The following MGMT variants were observed in gnomAD, a reference collection of about 807,000 sequenced individuals.
MGMT encodes methylated-DNA--protein-cysteine methyltransferase.
MGMT carries 14 observed loss-of-function variants against 15.9 expected under a neutral mutation model. The ratio of observed to expected loss-of-function variants is 0.88; its 90% CI spans 0.58 to 1.37. The LOEUF (loss-of-function observed/expected upper bound fraction) is 1.37. Among genes scored for constraint, MGMT ranks in the 40% most tolerant of loss-of-function variants. The pLI is 0.00. For synonymous variants in MGMT, 130 were observed against 118.2 expected, an observed-to-expected ratio of 1.10 and a Z score of -0.65; for missense variants, 282 against 268.1, an observed-to-expected ratio of 1.05 and a Z score of -0.36.
chr10:129,690,388 C>A (rs1847955854), intron 2 of MGMT, among the ~76,000 whole-genome samples: 1 of 152,216 alleles, frequency 6.6e-6, no homozygotes, highest in African/African-American at 2.4e-5. Context: ...CACTTATTCA[C>A]TCATTAATAA....
Position 129,560,062 on chromosome 10 carries a change from A to G in MGMT, c.125+23685A>G, listed in dbSNP as rs375027041. Among the ~76,000 whole-genome samples, 11 of 152,220 alleles carry G rather than the reference A, an allele frequency of 7.2e-5. No homozygotes were observed. In the East Asian group the frequency reaches 9.6e-4, roughly 13 times the overall value. Reference sequence around the variant, plus strand: ...GGAATTATGAGTTCAGTAGTATTCTATGAAAGGTCAGTTGTTAAAAAGGCA... The same window carrying G: ...GGAATTATGAGTTCAGTAGTATTCTGTGAAAGGTCAGTTGTTAAAAAGGCA... On this transcript the variant is annotated intron_variant, in intron 2 of 4. Transcript: ENST00000651593.
chr10:129,543,581 G>A (rs1846068000), intron 2 of MGMT, among the ~76,000 whole-genome samples: 1 of 152,182 alleles, frequency 6.6e-6, no homozygotes, highest in Admixed American at 6.5e-5. Flanking sequence ...CCCTGCAGCT[G>A]GTTCTTTGCT....
At chr10:129,741,799 G>A (rs11596935) in intron 3 of MGMT, among the ~76,000 whole-genome samples, 18,066 of 152,222 alleles carry the variant, frequency 0.12, 1,153 homozygotes, top group Middle Eastern at 0.17. Context: ...CAGAGCTGCA[G>A]AAGCTGGGCT....
intron 3 of MGMT, among the ~76,000 whole-genome samples, chr10:129,722,308 A>G (rs1449128448): frequency 2.0e-5 from 3 of 152,214 alleles, no homozygotes; most frequent in Non-Finnish European, 4.4e-5. Flanking sequence ...TAGCATTATT[A>G]AAGATTATTA....
At chr10:129,619,864 A>C (rs1373661313) in intron 2 of MGMT, among the ~76,000 whole-genome samples, 2 of 151,874 alleles carry the variant, frequency 1.3e-5, no homozygotes, top group African/African-American at 4.8e-5. Flanking sequence ...CACCTTCTAA[A>C]TCAGTCTTGT....
intron 4 of MGMT, among the ~76,000 whole-genome samples, chr10:129,760,615 G>A (rs974796087): frequency 4.6e-5 from 7 of 152,224 alleles, no homozygotes; most frequent in African/African-American, 1.7e-4. Context: ...GCAGCCTGGG[G>A]GCAGAGCCTC....
At position 129,766,863 on chromosome 10, in the gene MGMT, G is replaced by T. The variant is rs373120552; in HGVS notation, c.490G>T (p.Val164Leu). 11 of 1,613,808 alleles carry T rather than the reference G, an allele frequency of 6.8e-6. No individual in the cohort carries two copies. The South Asian group carries it at 1.1e-4, about 16-fold the overall frequency. The change falls in exon 5 of 5, where the codon GTG (valine) becomes TTG (leucine). Residue 164 changes from valine to leucine, a missense_variant. Coordinates refer to ENST00000651593, the MANE Select transcript of MGMT (RefSeq NM_002412.5). ...AVGNYSGGLA[V>L]KEWLLAHEGH... is the part of the protein sequence containing the mutation. ...GGGCAACTACTCCGGAGGACTGGCC[G>T]TGAAGGAATGGCTTCTGGCCCATGA...
intron 2 of MGMT, among the ~76,000 whole-genome samples, chr10:129,538,558 C>T (rs1846010204): frequency 6.6e-6 from 1 of 152,132 alleles, no homozygotes; most frequent in Admixed American, 6.5e-5. Context: ...TTGCACTTTG[C>T]TGATGACTTA....
chr10:129,519,126 C>G (rs7070347), intron 1 of MGMT, among the ~76,000 whole-genome samples: 2 of 151,994 alleles, frequency 1.3e-5, no homozygotes, highest in South Asian at 2.1e-4. Context: ...AATTAAGACT[C>G]GGAGACTACC....
intron 2 of MGMT, among the ~76,000 whole-genome samples, chr10:129,703,953 T>TGG (rs1203794973): frequency 6.6e-6 from 1 of 152,030 alleles, no homozygotes; most frequent in Non-Finnish European, 1.5e-5. Flanking sequence ...TGGGCAGTGG[T>TGG]GGTTGACAGC....
At chr10:129,757,427 A>G (rs1297723639) in intron 3 of MGMT, among the ~76,000 whole-genome samples, 1 of 152,184 alleles carries the variant, frequency 6.6e-6, no homozygotes, top group South Asian at 2.1e-4. Context: ...CTACAAGTTT[A>G]GTAAAGTTCC....
At chr10:129,638,007 C>T (rs915882127) in intron 2 of MGMT, among the ~76,000 whole-genome samples, 1 of 152,296 alleles carries the variant, frequency 6.6e-6, no homozygotes, top group South Asian at 2.1e-4. Flanking sequence ...GTGAGTGCCT[C>T]CTGCAGTGCT....
At chr10:129,598,798 C>T (rs745979250) in intron 2 of MGMT, among the ~76,000 whole-genome samples, 1 of 152,178 alleles carries the variant, frequency 6.6e-6, no homozygotes, top group African/African-American at 2.4e-5. Context: ...CCCACACCCC[C>T]TCCTGGGCTC....
intron 2 of MGMT, among the ~76,000 whole-genome samples, chr10:129,598,175 G>T (rs2133059093): frequency 6.6e-6 from 1 of 152,318 alleles, no homozygotes; most frequent in Non-Finnish European, 1.5e-5. Flanking sequence ...CAGGGTGGGT[G>T]CATGGAGCAT....
chr10:129,563,584 G>A (rs539854676), intron 2 of MGMT, among the ~76,000 whole-genome samples: 68 of 152,324 alleles, frequency 4.5e-4, no homozygotes, highest in African/African-American at 1.6e-3. Flanking sequence ...CCTGGATGTG[G>A]TGTGAGCATG....
In MGMT at chr10:129,673,121, G is replaced by C. The variant is rs184890835; in HGVS notation, c.126-34774G>C. Among the ~76,000 whole-genome samples the C allele has an allele frequency of 3.4e-4, 52 of 152,232 alleles. No homozygotes were observed. The East Asian group carries it at 8.3e-3, about 24-fold the overall frequency. ...TGCTCAAAGGACCCTGCAAGACACT[G>C]TCTGTTGCCCCAGGGCAGTCACCTC... On this transcript the variant is annotated intron_variant, in intron 2 of 4. Coordinates refer to ENST00000651593, the MANE Select transcript of MGMT (RefSeq NM_002412.5).
chr10:129,515,410 T>C (rs1344522866), intron 1 of MGMT, among the ~76,000 whole-genome samples: 1 of 152,198 alleles, frequency 6.6e-6, no homozygotes, highest in Non-Finnish European at 1.5e-5. Context: ...AGGGCAGTGC[T>C]CCTTAGATAC....
chr10:129,655,079 C>T (rs755290347), intron 2 of MGMT, among the ~76,000 whole-genome samples: 84 of 152,140 alleles, frequency 5.5e-4, no homozygotes, highest in Non-Finnish European at 1.0e-3. Flanking sequence ...AGCACACTAC[C>T]GAGGTGCTCC....
At chr10:129,635,538 G>T (rs1439667846) in intron 2 of MGMT, among the ~76,000 whole-genome samples, 1 of 152,060 alleles carries the variant, frequency 6.6e-6, no homozygotes, top group Non-Finnish European at 1.5e-5. Context: ...GGTTCTTTTT[G>T]GTGAGAGGGT....
Sources: gnomAD v4.1 joint callset for allele counts (sites outside exome capture counted in the v4.1 genomes callset) on GRCh38, gnomAD v4.1.1 for gene constraint, MANE v1.5 for transcripts, NCBI Gene and HGNC (gene_info 2026-07-23, HGNC 2026-07-21) for gene names.